The following ZBTB34 variants were observed in gnomAD, a reference collection of about 807,000 sequenced individuals.
ZBTB34 encodes zinc finger and BTB domain-containing protein 34.
ZBTB34 carries 1 observed loss-of-function variant against 33.4 expected under a neutral mutation model. The observed-to-expected ratio is 0.03, with a 90% CI of 0.01 to 0.14. The LOEUF (loss-of-function observed/expected upper bound fraction) is 0.14. ZBTB34 is among the 10% of genes least tolerant of loss of function. The pLI, the probability that ZBTB34 is intolerant of heterozygous loss-of-function variation, is 1.00. For missense variants in ZBTB34, 406 were observed against 657.2 expected, an observed-to-expected ratio of 0.62 and a Z score of 4.18; for synonymous variants, 283 against 253.5, an observed-to-expected ratio of 1.12 and a Z score of -1.11.
At chr9:126,866,300 C>T (rs1391822353) in intron 1 of ZBTB34, among the ~76,000 whole-genome samples, 1 of 152,164 alleles carries the variant, frequency 6.6e-6, no homozygotes, top group East Asian at 1.9e-4. Context: ...TACGTGGCCT[C>T]CGAGTAGACA....
intron 1 of ZBTB34, among the ~76,000 whole-genome samples, chr9:126,871,011 C>T (rs2033269887): frequency 1.3e-5 from 2 of 152,028 alleles, no homozygotes; most frequent in South Asian, 4.2e-4. Flanking sequence ...GTTCGATACC[C>T]ATTGCTGGCC....
At chr9:126,875,148 A>G (rs1166655390) in intron 1 of ZBTB34, among the ~76,000 whole-genome samples, 1 of 152,222 alleles carries the variant, frequency 6.6e-6, no homozygotes, top group Admixed American at 6.5e-5. Context: ...CTGTGTGTAA[A>G]ATACACATCA....
At chr9:126,874,715 A>G (rs1048111780) in intron 1 of ZBTB34, among the ~76,000 whole-genome samples, 20 of 152,222 alleles carry the variant, frequency 1.3e-4, no homozygotes, top group African/African-American at 4.8e-4. Flanking sequence ...ACACACTTCC[A>G]GCACGTCCTT....
intron 1 of ZBTB34, among the ~76,000 whole-genome samples, chr9:126,873,198 G>T (rs1407370868): frequency 2.0e-5 from 3 of 152,158 alleles, no homozygotes; most frequent in Non-Finnish European, 2.9e-5. Flanking sequence ...TATTTGTTAG[G>T]TGCCAGCTGA....
intron 1 of ZBTB34, among the ~76,000 whole-genome samples, chr9:126,869,061 T>G (rs138333763): frequency 7.9e-4 from 120 of 152,154 alleles, no homozygotes; most frequent in African/African-American, 2.6e-3. Context: ...AGAGGGTGCT[T>G]CACTAAACTC....
chr9:126,864,351 G>A (rs1050862364), intron 1 of ZBTB34, among the ~76,000 whole-genome samples: 3 of 152,102 alleles, frequency 2.0e-5, no homozygotes, highest in Non-Finnish European at 2.9e-5. Flanking sequence ...GGAGCCTACT[G>A]ACCGTTAGTC....
chr9:126,871,180 GGGGTGTGT>G (rs1156732834), intron 1 of ZBTB34, among the ~76,000 whole-genome samples: 1,943 of 69,072 alleles, frequency 0.028, 50 homozygotes, highest in African/African-American at 0.15. Flanking sequence ...GTAAGTGAGG[GGGGTGTGT>G]GTGTGTGTGT....
At chr9:126,869,622 G>C (rs115734854) in intron 1 of ZBTB34, among the ~76,000 whole-genome samples, 1 of 152,192 alleles carries the variant, frequency 6.6e-6, no homozygotes, top group East Asian at 1.9e-4. Flanking sequence ...GGAGAATGTC[G>C]GTCCTGCCCA....
intron 1 of ZBTB34, among the ~76,000 whole-genome samples, chr9:126,861,282 C>T (rs2033140889): frequency 6.6e-6 from 1 of 152,194 alleles, no homozygotes; most frequent in Admixed American, 6.5e-5. Context: ...CAGACGTCTC[C>T]GTGGCCACTC....
chr9:126,883,877 G>T (rs1442350572), exon 2 of ZBTB34: 1 of 167,076 alleles, frequency 6.0e-6, no homozygotes, highest in African/African-American at 2.4e-5. Context: ...GCAATTAATT[G>T]TGCCTTGCCG....
At chr9:126,873,881 C>T (rs961178537) in intron 1 of ZBTB34, among the ~76,000 whole-genome samples, 5 of 152,136 alleles carry the variant, frequency 3.3e-5, no homozygotes, top group Admixed American at 2.6e-4. Context: ...GCTGAGATTA[C>T]AGGTGTGAGC....
chr9:126,868,853 G>A (rs777901193), intron 1 of ZBTB34, among the ~76,000 whole-genome samples: 2 of 152,158 alleles, frequency 1.3e-5, no homozygotes, highest in African/African-American at 2.4e-5. Flanking sequence ...TGAGGCTTTC[G>A]CATGTAAAGA....
At chr9:126,874,425 G>C (rs548657085) in intron 1 of ZBTB34, among the ~76,000 whole-genome samples, 2 of 152,092 alleles carry the variant, frequency 1.3e-5, no homozygotes, top group East Asian at 3.9e-4. Context: ...TTGCTGAAAA[G>C]TATTTTTTAG....
At chr9:126,876,578 G>A (rs987741125) in intron 1 of ZBTB34, among the ~76,000 whole-genome samples, 1 of 151,970 alleles carries the variant, frequency 6.6e-6, no homozygotes, top group Non-Finnish European at 1.5e-5. Flanking sequence ...ATTTCTGTTA[G>A]GACTTTAAAA....
intron 1 of ZBTB34, among the ~76,000 whole-genome samples, chr9:126,865,971 A>C: frequency 6.6e-6 from 1 of 152,180 alleles, no homozygotes; most frequent in Non-Finnish European, 1.5e-5. Context: ...GGCACAGAGC[A>C]AGACTCTGTC....
At chr9:126,876,012 G>T (rs1051754093) in intron 1 of ZBTB34, among the ~76,000 whole-genome samples, 1 of 151,788 alleles carries the variant, frequency 6.6e-6, no homozygotes. Context: ...ATTCTTGTCC[G>T]CAGGACTTTT....
exon 2 of ZBTB34, chr9:126,884,803 A>G (rs1588394624): frequency 6.0e-6 from 1 of 167,094 alleles, no homozygotes; most frequent in Middle Eastern, 3.4e-3. Context: ...ATTTTATTTT[A>G]TCAACTTTTT....
In ZBTB34 at chr9:126,879,274, G is replaced by C; in HGVS notation, c.-10-116G>C. The stretch of plus-strand genomic sequence containing the variant: ...TAAAACAAGGGGAAGAATGCTTCAG[G>C]TAGATTTTAGGAGGTATGATAGCCA... On this transcript the variant is annotated intron_variant, in intron 1 of 1. Transcript: ENST00000319119. The surrounding 1 kb of genome is among the most constrained non-coding windows in gnomAD (Gnocchi z 6.4). The C allele has an allele frequency of 1.2e-6, 1 of 819,066 alleles. No individual in the cohort carries two copies. The highest frequency in any genetic ancestry group is 1.9e-5 in the South Asian group (1 of 51,536). 50.7% of individuals were successfully genotyped at this position (819,066 alleles called of 1,614,324 possible). A position where few individuals can be genotyped will look rare whatever the true frequency, so the allele number is the denominator to read the frequency against.
intron 1 of ZBTB34, among the ~76,000 whole-genome samples, chr9:126,875,176 G>A (rs149978860): frequency 3.9e-5 from 6 of 152,308 alleles, no homozygotes; most frequent in Non-Finnish European, 7.3e-5. Context: ...GAGACTTAGT[G>A]TGAAAAGAAT....
Sources: allele counts gnomAD v4.1 joint callset (sites outside exome capture counted in the v4.1 genomes callset), GRCh38; gene constraint gnomAD v4.1.1; non-coding constraint Gnocchi (gnomAD v3.1); transcripts MANE v1.5; gene names NCBI Gene and HGNC (gene_info 2026-07-23, HGNC 2026-07-21).